The following PAK1 variants were observed in gnomAD, a reference collection of about 807,000 sequenced individuals.
PAK1 encodes serine/threonine-protein kinase PAK 1.
PAK1 carries 29 observed loss-of-function variants against 67.4 expected under a neutral mutation model. That is an observed-to-expected ratio of 0.43 (90% CI 0.32 to 0.59). PAK1 has a LOEUF of 0.59. Ranked by LOEUF, PAK1 falls within the 20% of genes least tolerant of loss-of-function variation. PAK1 has a pLI of 0.07. For missense variants in PAK1, 337 were observed against 670.7 expected (o/e 0.50, Z 5.50); for synonymous variants, 223 against 237.4 (o/e 0.94, Z 0.56).
chr11:77,332,678 C>A, intron 14 of PAK1, 52 bp downstream of exon 14: 1 of 1,514,354 alleles, frequency 6.6e-7, no homozygotes, highest in Non-Finnish European at 9.1e-7. Flanking sequence ...GTAAAAAAGG[C>A]CTGGTTTAGT....
chr11:77,346,294 T>G (rs1192015263), intron 9 of PAK1, among the ~76,000 whole-genome samples: 2 of 152,168 alleles, frequency 1.3e-5, no homozygotes, highest in East Asian at 3.9e-4. Context: ...CAATAGCTAC[T>G]AACTATGGGC....
At chr11:77,326,187 G>C (rs1055760917) in intron 14 of PAK1, among the ~76,000 whole-genome samples, 18 of 152,122 alleles carry the variant, frequency 1.2e-4, no homozygotes, top group Admixed American at 6.5e-4. Flanking sequence ...CAAATGATGC[G>C]GCCTGCTAAA....
Position 77,473,624 on chromosome 11 carries a change from A to T in PAK1, c.-94T>A. ...GGTGGGTGCCGCCTAGCCGGGAGTG[A>T]GGGCGCGAGTGTGCGCGAGCTACCG... is the stretch of plus-strand genomic sequence containing the variant. On this transcript the variant is annotated 5_prime_UTR_variant, in exon 1 of 15. Coordinates refer to ENST00000356341, the MANE Select transcript of PAK1 (RefSeq NM_002576.5). The T allele has an allele frequency of 6.6e-6, 1 of 152,290 alleles. No homozygotes were observed. 9.4% of individuals were successfully genotyped at this position (152,290 alleles called of 1,614,324 possible).
chr11:77,324,516 C>CT (rs893543038), intron 14 of PAK1, among the ~76,000 whole-genome samples: 36 of 151,918 alleles, frequency 2.4e-4, no homozygotes, highest in Non-Finnish European at 3.1e-4. Flanking sequence ...AAAAATGGTG[C>CT]TTTTTTTTCT....
the PAK1 span, among the ~76,000 whole-genome samples, chr11:77,500,854 T>A: frequency 6.7e-6 from 1 of 150,120 alleles, no homozygotes; most frequent in East Asian, 2.0e-4. Flanking sequence ...AAAAAAAAAA[T>A]TCAGTTCTTT....
At chr11:77,346,826 G>A (rs1233501840) in intron 9 of PAK1, among the ~76,000 whole-genome samples, 8 of 152,150 alleles carry the variant, frequency 5.3e-5, no homozygotes, top group Non-Finnish European at 7.4e-5. Context: ...AAAATTCTAA[G>A]GTCATAATCA....
At chr11:77,330,729 G>A (rs2136076303) in intron 14 of PAK1, among the ~76,000 whole-genome samples, 1 of 152,224 alleles carries the variant, frequency 6.6e-6, no homozygotes, top group African/African-American at 2.4e-5. Context: ...GCATGGGCAA[G>A]GACTTCATGT....
the PAK1 span, among the ~76,000 whole-genome samples, chr11:77,516,087 C>T: frequency 2.0e-5 from 3 of 152,192 alleles, no homozygotes; most frequent in Non-Finnish European, 2.9e-5. Context: ...GGTCAAGTCA[C>T]TTAACCTCTC....
At chr11:77,494,934 T>A in the PAK1 span, among the ~76,000 whole-genome samples, 2 of 150,936 alleles carry the variant, frequency 1.3e-5, no homozygotes, top group Non-Finnish European at 3.0e-5. Flanking sequence ...GAGGCCAATA[T>A]GGGAGGATCA....
chr11:77,333,476 G>A (rs905392098), intron 13 of PAK1, among the ~76,000 whole-genome samples: 1 of 152,138 alleles, frequency 6.6e-6, no homozygotes, highest in Non-Finnish European at 1.5e-5. Context: ...GGGATTACAG[G>A]CGTGAGTCAC....
intron 8 of PAK1, among the ~76,000 whole-genome samples, chr11:77,352,652 T>C (rs547707899): frequency 1.6e-4 from 25 of 152,210 alleles, no homozygotes; most frequent in Non-Finnish European, 3.2e-4. Flanking sequence ...ACAAGCTCCA[T>C]CCATGTTAAG....
At chr11:77,490,243 C>G in the PAK1 span, among the ~76,000 whole-genome samples, 1 of 151,628 alleles carries the variant, frequency 6.6e-6, no homozygotes, top group East Asian at 2.0e-4. Flanking sequence ...AAGTGAGGAG[C>G]GTCTCCGCCC....
rs191711303 is a variant in PAK1, at chr11:77,391,415, T to C, written c.190+916A>G. 9.9e-5 allele frequency among the ~76,000 whole-genome samples: 15 copies of C among 152,276 alleles called. No individual in the cohort carries two copies. In the East Asian group the frequency reaches 2.9e-3, roughly 29 times the overall value. On this transcript the variant is annotated intron_variant, in intron 2 of 14. Transcript: ENST00000356341. Reference sequence around the variant, plus strand: ...TTTAAAATAGGAAACTAAATAAAGGTCAAAGCAGTTAACTGACATGCCTAA... The same window carrying C: ...TTTAAAATAGGAAACTAAATAAAGGCCAAAGCAGTTAACTGACATGCCTAA...
At chr11:77,416,665 T>G (rs959000804) in intron 1 of PAK1, among the ~76,000 whole-genome samples, 5 of 152,024 alleles carry the variant, frequency 3.3e-5, no homozygotes, top group African/African-American at 4.8e-5. Flanking sequence ...ATATAACACA[T>G]ATAATTGGCC....
chr11:77,353,723 T>C, intron 7 of PAK1, 124 bp from the exon 8 acceptor site: 1 of 721,684 alleles, frequency 1.4e-6, no homozygotes, highest in Non-Finnish European at 2.4e-6. Flanking sequence ...CCAAAAAGCA[T>C]GCTAAACAGG....
intron 1 of PAK1, chr11:77,411,844 A>C (rs1253440030): frequency 6.6e-6 from 1 of 152,334 alleles, no homozygotes; most frequent in East Asian, 1.9e-4. Context: ...CTCCCTGCCC[A>C]ACCGGGTACC....
intron 2 of PAK1, 56 bp downstream of exon 2, chr11:77,392,275 C>A: frequency 8.1e-7 from 1 of 1,228,316 alleles, no homozygotes; most frequent in Non-Finnish European, 1.1e-6. Context: ...ATCCAGGTTA[C>A]CCAAAATAAT....
intron 1 of PAK1, among the ~76,000 whole-genome samples, chr11:77,406,565 C>G (rs1017623645): frequency 6.6e-6 from 1 of 152,152 alleles, no homozygotes; most frequent in African/African-American, 2.4e-5. Flanking sequence ...ATCACTAGAG[C>G]TCAGGAGTTT....
In PAK1 at chr11:77,336,245, C is replaced by T. The variant is rs775404881; in HGVS notation, c.1254G>A (p.Gln418=). The T allele has an allele frequency of 3.1e-6, 5 of 1,614,036 alleles. No homozygotes were observed. The East Asian group carries it at 6.7e-5, about 22-fold the overall frequency. Reference sequence around the variant, plus strand: ...TTCCTACCATGGTGCTCCGTTTGCTCTGCTCTGGGGTTATCTGTGCACAGA... The same window carrying T: ...TTCCTACCATGGTGCTCCGTTTGCTTTGCTCTGGGGTTATCTGTGCACAGA... The part of the protein sequence containing the change: ...FGFCAQITPE[Q]SKRSTMVGTP... Residue 418 remains glutamine, a synonymous_variant, in exon 13 of 15, where the codon CAG becomes CAA. Coordinates refer to ENST00000356341, the MANE Select transcript of PAK1 (RefSeq NM_002576.5).
Sources: gnomAD v4.1 joint callset for allele counts (sites outside exome capture counted in the v4.1 genomes callset) on GRCh38, gnomAD v4.1.1 for gene constraint, MANE v1.5 for transcripts, NCBI Gene and HGNC (gene_info 2026-07-23, HGNC 2026-07-21) for gene names.